MAGI2: variants seen among roughly 807,000 people sequenced by gnomAD.
The protein encoded by MAGI2 is membrane associated guanylate kinase, WW and PDZ domain containing 2.
In MAGI2, 35 loss-of-function variants were observed where a neutral mutation model predicts 133.3. The observed-to-expected ratio is 0.26, with a 90% CI of 0.20 to 0.35. The LOEUF is 0.35. MAGI2 is among the 10% of genes least tolerant of loss of function. The probability of loss-of-function intolerance (pLI) is 1.00; values close to 1 mark genes in which losing one functional copy is unlikely to be tolerated. For synonymous variants in MAGI2, 729 were observed against 710.6 expected, an observed-to-expected ratio of 1.03 and a Z score of -0.41; for missense variants, 1,636 against 1,863.4, an observed-to-expected ratio of 0.88 and a Z score of 2.25.
In MAGI2 at chr7:79,171,762, A is replaced by T. The variant is rs1395756366; in HGVS notation, c.302-164556T>A. On this transcript the variant is annotated intron_variant, in intron 1 of 21. Coordinates refer to ENST00000354212, the MANE Select transcript of MAGI2 (RefSeq NM_012301.4). ...GCCAAAAATATATATATATATATAT[A>T]TATATATATTTTTTTTTTTTTTTTC... 7.3e-4 allele frequency among the ~76,000 whole-genome samples: 21 copies of T among 28,758 alleles called. 2 individuals are homozygous for T. The highest frequency in any genetic ancestry group is 1.8e-3 in the Non-Finnish European group (16 of 9,136). The allele number at this position is 28,758 out of a possible 152,430, so 18.9% of individuals were successfully genotyped here.
At chr7:78,375,687 G>A (rs1199531741) in intron 6 of MAGI2, among the ~76,000 whole-genome samples, 1 of 152,028 alleles carries the variant, frequency 6.6e-6, no homozygotes, top group African/African-American at 2.4e-5. Flanking sequence ...GTAATGTAGT[G>A]TATAGTGTAT....
intron 3 of MAGI2, among the ~76,000 whole-genome samples, chr7:78,534,327 A>T (rs1251342084): frequency 6.6e-6 from 1 of 152,252 alleles, no homozygotes; most frequent in Non-Finnish European, 1.5e-5. Flanking sequence ...ATATTTATGG[A>T]TAAATACAGA....
chr7:78,672,712 A>G (rs1814539981), intron 2 of MAGI2, among the ~76,000 whole-genome samples: 1 of 152,198 alleles, frequency 6.6e-6, no homozygotes, highest in African/African-American at 2.4e-5. Context: ...AATTTGTTGG[A>G]TATTAAAAAT....
chr7:79,017,157 T>C (rs980531445), intron 1 of MAGI2, among the ~76,000 whole-genome samples: 2 of 152,218 alleles, frequency 1.3e-5, no homozygotes, highest in Non-Finnish European at 2.9e-5. Context: ...CACTGCCCTA[T>C]GAAGTGCTGA....
chr7:79,401,443 G>T (rs1202808346), intron 1 of MAGI2, among the ~76,000 whole-genome samples: 2 of 152,166 alleles, frequency 1.3e-5, no homozygotes, highest in South Asian at 4.1e-4. Context: ...AAGAATGTGG[G>T]CTTGTTTCCA....
chr7:78,740,118 G>T (rs1401157048), intron 2 of MAGI2, among the ~76,000 whole-genome samples: 1 of 151,100 alleles, frequency 6.6e-6, no homozygotes, highest in Non-Finnish European at 1.5e-5. Flanking sequence ...CCGAGATCGC[G>T]CCACTGCACT....
At chr7:79,343,075 A>G (rs756044084) in intron 1 of MAGI2, among the ~76,000 whole-genome samples, 4 of 152,016 alleles carry the variant, frequency 2.6e-5, no homozygotes, top group Non-Finnish European at 5.9e-5. Context: ...GAGGAAGCAC[A>G]TTTTTACATT....
chr7:78,098,868 T>G lies in MAGI2; in HGVS notation c.3568-19783A>C, dbSNP rs73362691. Among the ~76,000 whole-genome samples the G allele has an allele frequency of 8.6e-3, 1,315 of 152,318 alleles. 7 individuals are homozygous for G. Among genetic ancestry groups the G allele is most frequent in the African/African-American group, 0.03 (1,259 of 41,582 alleles). The stretch of plus-strand genomic sequence containing the variant: ...TGATACGGAGTATGTTTTCAGATAT[T>G]TATTAGCCATTTGAATTTCTTCATT... On this transcript the variant is annotated intron_variant, in intron 20 of 21. Coordinates refer to ENST00000354212, the MANE Select transcript of MAGI2 (RefSeq NM_012301.4).
intron 21 of MAGI2, among the ~76,000 whole-genome samples, chr7:78,077,529 T>C (rs1361497231): frequency 6.7e-6 from 1 of 149,422 alleles, no homozygotes; most frequent in Non-Finnish European, 1.5e-5. Context: ...TTTGACTCAC[T>C]GTGAAGGCTT....
chr7:78,940,595 A>G (rs1040210671), intron 2 of MAGI2: 1 of 152,206 alleles, frequency 6.6e-6, no homozygotes, highest in African/African-American at 2.4e-5. Flanking sequence ...TTAATGATGA[A>G]TTGAAGGAGA....
intron 2 of MAGI2, among the ~76,000 whole-genome samples, chr7:78,691,301 T>C (rs1816931544): frequency 2.0e-5 from 3 of 152,202 alleles, no homozygotes; most frequent in Non-Finnish European, 4.4e-5. Flanking sequence ...CCCCACTAAG[T>C]GCAAGCTCTG....
intron 1 of MAGI2, among the ~76,000 whole-genome samples, chr7:79,308,171 C>T (rs1049271012): frequency 5.3e-5 from 8 of 152,094 alleles, no homozygotes; most frequent in African/African-American, 1.9e-4. Context: ...ATTATAAAAT[C>T]ATATTGAAAT....
chr7:78,806,350 T>A (rs1036769566), intron 2 of MAGI2, among the ~76,000 whole-genome samples: 6 of 152,134 alleles, frequency 3.9e-5, no homozygotes, highest in Admixed American at 3.9e-4. Flanking sequence ...ATATTTAAAT[T>A]TCTTAGAGAA....
chr7:78,876,946 C>A (rs960790081), intron 2 of MAGI2, among the ~76,000 whole-genome samples: 1 of 151,676 alleles, frequency 6.6e-6, no homozygotes, highest in Admixed American at 6.6e-5. Flanking sequence ...GGGTTATATT[C>A]CAACTGTTTA....
At chr7:79,224,808 T>C (rs1368480485) in intron 1 of MAGI2, among the ~76,000 whole-genome samples, 1 of 152,140 alleles carries the variant, frequency 6.6e-6, no homozygotes, top group Non-Finnish European at 1.5e-5. Flanking sequence ...CACCAGGAAC[T>C]GAGGTAGGGG....
intron 1 of MAGI2, among the ~76,000 whole-genome samples, chr7:79,416,011 C>T (rs1846482853): frequency 6.6e-6 from 1 of 152,050 alleles, no homozygotes; most frequent in Non-Finnish European, 1.5e-5. Flanking sequence ...AGTCTATTTG[C>T]TAATACCTAA....
At chr7:78,573,074 T>TATATATAC (rs1801719725) in intron 3 of MAGI2, among the ~76,000 whole-genome samples, 1 of 75,470 alleles carries the variant, frequency 1.3e-5, no homozygotes, top group Non-Finnish European at 2.3e-5. Flanking sequence ...TATATATATA[T>TATATATAC]ATACACACAC....
intron 3 of MAGI2, among the ~76,000 whole-genome samples, chr7:78,552,427 C>G (rs1799428720): frequency 6.6e-6 from 1 of 152,090 alleles, no homozygotes; most frequent in Non-Finnish European, 1.5e-5. Flanking sequence ...AGGTGATCTG[C>G]CCGCCTCGGC....
At chr7:78,119,400 AG>A (rs1820195340) in intron 20 of MAGI2, among the ~76,000 whole-genome samples, 1 of 151,964 alleles carries the variant, frequency 6.6e-6, no homozygotes, top group South Asian at 2.1e-4. Flanking sequence ...CTCTACTAAA[AG>A]TACAAAAAAA....
Sources: gnomAD v4.1 joint callset for allele counts (sites outside exome capture counted in the v4.1 genomes callset) on GRCh38, gnomAD v4.1.1 for gene constraint, MANE v1.5 for transcripts, NCBI Gene and HGNC (gene_info 2026-07-23, HGNC 2026-07-21) for gene names.